Variants in UQCRC2 observed in about 807,000 individuals in gnomAD.
The protein encoded by UQCRC2 is ubiquinol-cytochrome c reductase core protein 2, also known as cytochrome b-c1 complex subunit 2, mitochondrial.
A neutral mutation model predicts 55.6 loss-of-function variants in UQCRC2; 49 were observed. That is an observed-to-expected ratio of 0.88 (90% CI 0.70 to 1.12). The LOEUF (loss-of-function observed/expected upper bound fraction) is 1.12, where lower values mean the gene tolerates loss of function less well. UQCRC2 is among the 50% of genes most tolerant of loss of function. The pLI, the probability that UQCRC2 is intolerant of heterozygous loss-of-function variation, is 0.00. For missense variants in UQCRC2, 506 were observed against 547.8 expected (o/e 0.92, Z 0.76); for synonymous variants, 193 against 192.0 (o/e 1.01, Z -0.04).
chr16:21,965,617 C>A, intron 7 of UQCRC2, 112 bp downstream of exon 7: 2 of 895,126 alleles, frequency 2.2e-6, no homozygotes, highest in Non-Finnish European at 3.1e-6. Context: ...TTAAGAAATT[C>A]AGCGTGCTAG....
In UQCRC2 at chr16:21,971,211, G is replaced by A. The variant is rs192624583; in HGVS notation, c.671-314G>A. Among the ~76,000 whole-genome samples the A allele has an allele frequency of 1.3e-3, 196 of 152,230 alleles. 1 individual carries two copies. The highest frequency in any genetic ancestry group is 2.0e-3 in the Non-Finnish European group (136 of 68,026). On this transcript the variant is annotated intron_variant, in intron 8 of 13. Coordinates refer to ENST00000268379, the MANE Select transcript of UQCRC2 (RefSeq NM_003366.4). ...ATATTTGATGTAGACTACTCACTTA[G>A]AAATTTGTAAATTATGAAAGATAAG...
chr16:21,977,345 C>A (rs1322017001), intron 12 of UQCRC2, among the ~76,000 whole-genome samples: 1 of 151,722 alleles, frequency 6.6e-6, no homozygotes, highest in East Asian at 1.9e-4. Flanking sequence ...CAGAGCAAGA[C>A]CCTGTCTCTT....
chr16:21,976,960 T>C (rs1898601305), intron 12 of UQCRC2: 1 of 152,270 alleles, frequency 6.6e-6, no homozygotes, highest in African/African-American at 2.4e-5. Flanking sequence ...AATATTTTTG[T>C]GTTTCGTATT....
chr16:21,962,373 T>C (rs1898225017), intron 4 of UQCRC2, 87 bp from the exon 5 acceptor site: 3 of 1,498,856 alleles, frequency 2.0e-6, no homozygotes, highest in Non-Finnish European at 2.8e-6. Flanking sequence ...AAATTTTCTT[T>C]CCAAAGGAAT....
intron 4 of UQCRC2, chr16:21,961,468 A>G (rs2141930514): frequency 4.2e-6 from 1 of 237,912 alleles, no homozygotes; most frequent in South Asian, 4.5e-5. Flanking sequence ...TCTTTAAGGT[A>G]TTTTAATTTT....
chr16:21,958,580 G>A lies in UQCRC2; in HGVS notation c.313G>A (p.Ala105Thr), dbSNP rs1258172019. ...TTTCAAGATAACCCGTGGAATTGAA[G>A]CAGTTGGTGGCAAATTAAGGTTTGT... is the stretch of plus-strand genomic sequence containing the variant. The part of the protein sequence containing the change: ...SSFKITRGIE[A>T]VGGKLSVTAT... Residue 105 changes from alanine (A) to threonine (T), a missense_variant, in exon 4 of 14, where the codon GCA becomes ACA. By Grantham distance (58) the Ala-to-Thr change is moderately conservative. Transcript: ENST00000268379. 1.9e-6 allele frequency: 3 copies of A among 1,612,088 alleles called. No individual in the cohort carries two copies. Among genetic ancestry groups the A allele is most frequent in the South Asian group, 2.2e-5 (2 of 90,460 alleles).
intron 7 of UQCRC2, among the ~76,000 whole-genome samples, chr16:21,966,917 T>C (rs1313033575): frequency 1.3e-5 from 2 of 152,218 alleles, no homozygotes; most frequent in African/African-American, 4.8e-5. Context: ...AATGGAACAG[T>C]ATTCAACCAT....
chr16:21,956,132 C>CT (rs1199916216), intron 1 of UQCRC2, among the ~76,000 whole-genome samples: 1 of 152,166 alleles, frequency 6.6e-6, no homozygotes, highest in East Asian at 1.9e-4. Context: ...GCTAGTTTGT[C>CT]TTTTTTAAAG....
chr16:21,982,675 C>T (rs1055141882), intron 13 of UQCRC2, among the ~76,000 whole-genome samples: 9 of 152,140 alleles, frequency 5.9e-5, no homozygotes, highest in African/African-American at 2.2e-4. Flanking sequence ...CTTAGAATGT[C>T]CTATCGAAGG....
chr16:21,982,179 C>G (rs1312536561), intron 13 of UQCRC2, among the ~76,000 whole-genome samples: 3 of 151,952 alleles, frequency 2.0e-5, no homozygotes, highest in Non-Finnish European at 4.4e-5. Flanking sequence ...CATCTTATAT[C>G]CTATCATTAT....
intron 13 of UQCRC2, 125 bp from the exon 14 acceptor site, chr16:21,982,963 C>CAAAAAA (rs1036084484): frequency 3.7e-6 from 2 of 537,708 alleles, no homozygotes; most frequent in African/African-American, 3.4e-5. Context: ...GACTCCACCT[C>CAAAAAA]AAAAAAAAAA....
chr16:21,963,609 A>G (rs1898255520), intron 6 of UQCRC2, among the ~76,000 whole-genome samples: 1 of 151,942 alleles, frequency 6.6e-6, no homozygotes, highest in African/African-American at 2.4e-5. Context: ...GACTACAGGC[A>G]CACACCACCG....
chr16:21,983,143 G>A lies in UQCRC2; in HGVS notation c.1334G>A (p.Gly445Glu), dbSNP rs72784909. 1 of 1,614,058 alleles carries A rather than the reference G, an allele frequency of 6.2e-7. No homozygotes were observed. Among genetic ancestry groups the A allele is most frequent in the Non-Finnish European group, 8.5e-7 (1 of 1,180,010 alleles). The change falls in exon 14 of 14, where the codon GGA becomes GAA. Residue 445 changes from glycine to glutamate, a missense_variant. Gly to Glu is a moderately conservative substitution (Grantham distance 98, BLOSUM62 -2). Coordinates refer to ENST00000268379, the MANE Select transcript of UQCRC2 (RefSeq NM_003366.4). ...QKSMAASGNL[G>E]HTPFVDEL ...TCAATGGCAGCAAGTGGAAATTTGG[G>A]ACATACACCTTTTGTTGATGAGTTG... is the stretch of plus-strand genomic sequence containing the variant.
Position 21,968,617 on chromosome 16 carries a change from A to G in UQCRC2, c.613-11A>G, listed in dbSNP as rs1465030487. 1 of 1,598,860 alleles carries G rather than the reference A, an allele frequency of 6.3e-7. No individual in the cohort carries two copies. The highest frequency in any genetic ancestry group is 8.5e-7 in the Non-Finnish European group (1 of 1,173,950). ...CTAATATAACCTAATAAGTGTTTTT[A>G]ACTTCCTCAGTTACATTACTTCGTT... is the stretch of plus-strand genomic sequence containing the variant. On this transcript the variant is annotated splice_polypyrimidine_tract_variant and intron_variant, in intron 7 of 13. Coordinates refer to ENST00000268379, the MANE Select transcript of UQCRC2 (RefSeq NM_003366.4).
chr16:21,961,178 T>G (rs1281769765), intron 4 of UQCRC2: 1 of 250,016 alleles, frequency 4.0e-6, no homozygotes, highest in East Asian at 1.1e-4. Flanking sequence ...AGAGAATGTC[T>G]CATTCTGCTG....
intron 4 of UQCRC2, chr16:21,962,153 C>T (rs1197337328): frequency 1.3e-5 from 4 of 299,810 alleles, no homozygotes; most frequent in Non-Finnish European, 2.5e-5. Flanking sequence ...CCAGGTACCT[C>T]ATAAGTAGAA....
At chr16:21,965,373 G>C (rs1231103959) in intron 6 of UQCRC2, 35 bp from the exon 7 acceptor site, 1 of 1,592,420 alleles carries the variant, frequency 6.3e-7, no homozygotes, top group Non-Finnish European at 8.6e-7. Context: ...TACTGAAAGT[G>C]CATTTCCCTA....
At chr16:21,966,014 T>C (rs971170447) in intron 7 of UQCRC2, among the ~76,000 whole-genome samples, 4 of 152,008 alleles carry the variant, frequency 2.6e-5, no homozygotes, top group Non-Finnish European at 5.9e-5. Context: ...TATTTAAATG[T>C]TTAAGTATCA....
chr16:21,956,499 G>T (rs989769733), intron 1 of UQCRC2, among the ~76,000 whole-genome samples: 2 of 152,068 alleles, frequency 1.3e-5, no homozygotes, highest in Admixed American at 6.6e-5. Context: ...ACCCGAGATC[G>T]CACTGTTGCA....
Sources: gnomAD v4.1 joint callset for allele counts (sites outside exome capture counted in the v4.1 genomes callset) on GRCh38, gnomAD v4.1.1 for gene constraint, MANE v1.5 for transcripts, NCBI Gene and HGNC (gene_info 2026-07-23, HGNC 2026-07-21) for gene names.